GPATCH2L: variants seen among roughly 807,000 people sequenced by gnomAD.
The protein encoded by GPATCH2L is G patch domain-containing protein 2-like.
A neutral mutation model predicts 57.4 loss-of-function variants in GPATCH2L; 31 were observed. The observed-to-expected ratio is 0.54, with a 90% CI of 0.41 to 0.73. GPATCH2L has a LOEUF of 0.73. Among genes scored for constraint, GPATCH2L ranks in the 30% least tolerant of loss-of-function variants. The probability of loss-of-function intolerance (pLI) is 0.00; values close to 1 mark genes in which losing one functional copy is unlikely to be tolerated. For synonymous variants in GPATCH2L, 199 were observed against 210.7 expected (o/e 0.94, Z 0.48); for missense variants, 481 against 599.9 (o/e 0.80, Z 2.07).
At chr14:76,225,386 C>T (rs545354630) in intron 1 of GPATCH2L, among the ~76,000 whole-genome samples, 5 of 151,966 alleles carry the variant, frequency 3.3e-5, no homozygotes, top group African/African-American at 1.2e-4. Flanking sequence ...ATATATGGTG[C>T]TGACTCAGTT....
chr14:76,157,976 A>C (rs74069337), intron 2 of GPATCH2L, among the ~76,000 whole-genome samples: 213 of 152,334 alleles, frequency 1.4e-3, no homozygotes, highest in African/African-American at 5.0e-3. Flanking sequence ...AAAGCAGAAC[A>C]ACTACTGTAA....
At chr14:76,187,307 T>C (rs916527005) in intron 8 of GPATCH2L, among the ~76,000 whole-genome samples, 1 of 152,126 alleles carries the variant, frequency 6.6e-6, no homozygotes, top group African/African-American at 2.4e-5. Flanking sequence ...TTGGCCTTCC[T>C]ACTGTGTTGT....
Position 76,154,913 on chromosome 14 carries a change from T to G in GPATCH2L, c.550T>G (p.Leu184Val), listed in dbSNP as rs765632272. Residue 184 changes from leucine to valine, a missense_variant, in exon 2 of 10, where the codon TTG (leucine) becomes GTG (valine). By Grantham distance (32) the Leu-to-Val change is conservative. Around this residue, in one of 3 missense-constraint regions of GPATCH2L, gnomAD observed 208 missense variants for 272.4 expected, o/e 0.76. Coordinates refer to ENST00000261530, the MANE Select transcript of GPATCH2L (RefSeq NM_017926.4). The surrounding 1 kb of genome is among the most constrained non-coding windows in gnomAD (Gnocchi z 4.4). The part of the protein sequence containing the change: ...NTPWTSSGHG[L>V]CESAENRTFL... ...TCCCTGGACCTCATCAGGCCACGGA[T>G]TGTGTGAATCAGCAGAAAATAGGAC... The G allele has an allele frequency of 1.2e-6, 2 of 1,613,904 alleles. No homozygotes were observed. The highest frequency in any genetic ancestry group is 2.7e-5 in the African/African-American group (2 of 74,870).
intron 9 of GPATCH2L, among the ~76,000 whole-genome samples, chr14:76,198,141 C>G (rs1488129737): frequency 6.6e-6 from 1 of 152,138 alleles, no homozygotes; most frequent in Admixed American, 6.5e-5. Flanking sequence ...AGTGTAGCAC[C>G]TTTATTTTCT....
chr14:76,170,198 A>G (rs2039022466), intron 3 of GPATCH2L, among the ~76,000 whole-genome samples: 1 of 152,168 alleles, frequency 6.6e-6, no homozygotes, highest in South Asian at 2.1e-4. Context: ...TTTAAGAGTT[A>G]TTATCCTGCG....
intron 3 of GPATCH2L, 129 bp from the exon 4 acceptor site, chr14:76,171,714 C>T (rs1303307615): frequency 8.0e-6 from 5 of 625,638 alleles, no homozygotes; most frequent in Non-Finnish European, 1.4e-5. Flanking sequence ...CAGAGCAAGA[C>T]TCTGTCTCAA....
chr14:76,176,873 C>G (rs1433826465), intron 6 of GPATCH2L, among the ~76,000 whole-genome samples, 183 bp downstream of exon 6: 1 of 152,158 alleles, frequency 6.6e-6, no homozygotes, highest in African/African-American at 2.4e-5. Flanking sequence ...CTTTTCCTTT[C>G]TAGACTAGTT....
chr14:76,173,388 G>A (rs769639125), intron 4 of GPATCH2L, among the ~76,000 whole-genome samples, 158 bp from the exon 5 acceptor site: 1 of 152,020 alleles, frequency 6.6e-6, no homozygotes, highest in Non-Finnish European at 1.5e-5. Context: ...TAGTGACAAA[G>A]ACCTGGGAAT....
intron 2 of GPATCH2L, among the ~76,000 whole-genome samples, chr14:76,160,933 A>G (rs914393874): frequency 8.5e-5 from 13 of 152,234 alleles, no homozygotes; most frequent in African/African-American, 3.1e-4. Context: ...ACCTGATTGT[A>G]CTAGTCACAG....
intron 8 of GPATCH2L, among the ~76,000 whole-genome samples, chr14:76,182,544 C>T (rs1452056347): frequency 7.4e-6 from 1 of 135,648 alleles, no homozygotes; most frequent in Non-Finnish European, 1.5e-5. Context: ...TGTGATGATG[C>T]CACTGCACTC....
downstream of GPATCH2L, among the ~76,000 whole-genome samples, chr14:76,217,605 A>C (rs1429069993): frequency 6.6e-6 from 1 of 150,966 alleles, no homozygotes; most frequent in Non-Finnish European, 1.5e-5. Context: ...TGAAAAAAAA[A>C]CCTTGCATGC....
intron 1 of GPATCH2L, among the ~76,000 whole-genome samples, chr14:76,223,919 C>A (rs1178971483): frequency 6.6e-6 from 1 of 152,264 alleles, no homozygotes; most frequent in East Asian, 1.9e-4. Flanking sequence ...AACTTATGTA[C>A]CCCCAAAAGC....
At position 76,201,960 on chromosome 14, in the gene GPATCH2L, C is replaced by A; in HGVS notation, c.*109C>A. ...TAATCGACATTCCCAGTCCTTTCAC[C>A]ACCAGAACCAACTCCTCTTTCAAAC... On this transcript the variant is annotated 3_prime_UTR_variant, in exon 10 of 10. Transcript: ENST00000261530. 1 of 817,558 alleles carries A rather than the reference C, an allele frequency of 1.2e-6. No individual in the cohort carries two copies. Among genetic ancestry groups the A allele is most frequent in the Non-Finnish European group, 1.9e-6 (1 of 525,760 alleles). The allele number at this position is 817,558 out of a possible 1,614,324, so 50.6% of individuals were successfully genotyped here. A position where few individuals can be genotyped will look rare whatever the true frequency, so the allele number is the denominator to read the frequency against.
At position 76,206,532 on chromosome 14, in the gene GPATCH2L, G is replaced by A. The variant is rs1042716804; in HGVS notation, c.*4681G>A. 9 of 152,334 alleles carry A rather than the reference G, an allele frequency of 5.9e-5. No individual in the cohort carries two copies. The East Asian group carries it at 1.7e-3, about 29-fold the overall frequency. The allele number at this position is 152,334 out of a possible 1,614,324, so 9.4% of individuals were successfully genotyped here. On this transcript the variant is annotated 3_prime_UTR_variant, in exon 10 of 10. Transcript: ENST00000261530. ...TAAAAAATTTTTAAAGTACAGTGTTGAAGAATGGGGCATGTCATGAAGACA... is the reference window on the plus strand; with the variant it reads ...TAAAAAATTTTTAAAGTACAGTGTTAAAGAATGGGGCATGTCATGAAGACA...
At position 76,180,283 on chromosome 14, in the gene GPATCH2L, G is replaced by A. The variant is rs558221075; in HGVS notation, c.1108-481G>A. 5.9e-5 allele frequency among the ~76,000 whole-genome samples: 9 copies of A among 152,242 alleles called. No individual in the cohort carries two copies. The East Asian group carries it at 1.7e-3, about 29-fold the overall frequency. On this transcript the variant is annotated intron_variant, in intron 7 of 9. Transcript: ENST00000261530. ...ACACCCAGTATCTCAGTGGTAGATT[G>A]GAACTAAAAGGTGTTCTGATTCTTA...
intron 2 of GPATCH2L, among the ~76,000 whole-genome samples, chr14:76,232,305 C>CT (rs898706027): frequency 4.6e-5 from 7 of 151,350 alleles, no homozygotes; most frequent in Admixed American, 2.0e-4. Flanking sequence ...TGTTCCCAGG[C>CT]TTTTTTTTTC....
intron 8 of GPATCH2L, among the ~76,000 whole-genome samples, chr14:76,190,027 A>C (rs560723324): frequency 5.9e-5 from 9 of 152,114 alleles, no homozygotes; most frequent in Non-Finnish European, 1.2e-4. Flanking sequence ...AGTGACTCTA[A>C]AGATCTTTGT....
At chr14:76,229,478 T>C (rs902966483) in intron 1 of GPATCH2L, among the ~76,000 whole-genome samples, 3 of 152,192 alleles carry the variant, frequency 2.0e-5, no homozygotes, top group Admixed American at 6.5e-5. Flanking sequence ...TCTTAGAAAG[T>C]GTTTTCTTGT....
intron 9 of GPATCH2L, among the ~76,000 whole-genome samples, chr14:76,201,446 G>T (rs570182635): frequency 1.3e-5 from 2 of 152,234 alleles, no homozygotes; most frequent in Admixed American, 1.3e-4. Flanking sequence ...TTATGAATGC[G>T]TGCTACTGAA....
Sources: gnomAD v4.1 joint callset for allele counts (sites outside exome capture counted in the v4.1 genomes callset) on GRCh38, gnomAD v4.1.1 for gene constraint, gnomAD v4.1.1 regional missense constraint, Gnocchi (gnomAD v3.1) non-coding constraint, MANE v1.5 for transcripts, NCBI Gene and HGNC (gene_info 2026-07-23, HGNC 2026-07-21) for gene names.